The following ATP2A3 variants were observed in gnomAD, a reference collection of about 807,000 sequenced individuals.
ATP2A3 encodes the protein ATPase sarcoplasmic/endoplasmic reticulum Ca2+ transporting 3, also known as sarcoplasmic/endoplasmic reticulum calcium ATPase 3.
In ATP2A3, 61 loss-of-function variants were observed where a neutral mutation model predicts 106.8. The observed-to-expected ratio is 0.57, with a 90% CI of 0.46 to 0.71. The LOEUF (loss-of-function observed/expected upper bound fraction) is 0.71, where lower values mean the gene tolerates loss of function less well. ATP2A3 is among the 30% of genes least tolerant of loss of function. The pLI, the probability that ATP2A3 is intolerant of heterozygous loss-of-function variation, is 0.00. For missense variants in ATP2A3, 1,201 were observed against 1,423.5 expected (o/e 0.84, Z 2.52); for synonymous variants, 611 against 609.3 (o/e 1.00, Z -0.04).
At chr17:3,949,406 AC>A (rs761863529) in intron 7 of ATP2A3, among the ~76,000 whole-genome samples, 2 of 152,186 alleles carry the variant, frequency 1.3e-5, no homozygotes, top group African/African-American at 2.4e-5. Context: ...AGCCAGGTAG[AC>A]CGGGCATCAT....
At chr17:3,937,110 G>A (rs1247522187) in intron 15 of ATP2A3, 8 of 465,864 alleles carry the variant, frequency 1.7e-5, no homozygotes, top group African/African-American at 1.2e-4. Context: ...CTGCCTAAAG[G>A]TGGGGCTTTT....
intron 14 of ATP2A3, 30 bp downstream of exon 14, chr17:3,940,941 C>A: frequency 6.2e-7 from 1 of 1,612,914 alleles, no homozygotes; most frequent in South Asian, 1.1e-5. Context: ...ACTCATCACC[C>A]CCTCCTGGGG....
intron 5 of ATP2A3, 82 bp from the exon 6 acceptor site, chr17:3,950,855 G>A: frequency 7.4e-7 from 1 of 1,359,488 alleles, no homozygotes; most frequent in Non-Finnish European, 1.0e-6. Context: ...CAGAACCCAA[G>A]GCTGGGGCTG....
At position 3,950,504 on chromosome 17, in the gene ATP2A3, G is replaced by T; in HGVS notation, c.630+7C>A. ...GTCTGGGCAAAGGCCCCAGACATTT[G>T]ACTTACAGAAAACAGCATGTTCTTC... On this transcript the variant is annotated splice_region_variant and intron_variant, in intron 7 of 20. Coordinates refer to ENST00000397041, the MANE Select transcript of ATP2A3 (RefSeq NM_005173.4). 1 of 1,613,428 alleles carries T rather than the reference G, an allele frequency of 6.2e-7. No individual in the cohort carries two copies. Among genetic ancestry groups the T allele is most frequent in the South Asian group, 1.1e-5 (1 of 91,042 alleles).
Position 3,930,151 on chromosome 17 carries a change from C to A in ATP2A3, c.2744+150G>T, listed in dbSNP as rs1426695280. The A allele has an allele frequency of 1.6e-6, 2 of 1,240,368 alleles. No homozygotes were observed. Among genetic ancestry groups the A allele is most frequent in the African/African-American group, 3.1e-5 (2 of 63,516 alleles). 76.8% of individuals were successfully genotyped at this position (1,240,368 alleles called of 1,614,324 possible). On this transcript the variant is annotated intron_variant, in intron 18 of 20. Transcript: ENST00000397041. The surrounding 1 kb of genome is among the most constrained non-coding windows in gnomAD (Gnocchi z 5.4). ...TGACCCTCAGACACTGATACTGGAACCCCCAGCCCTCAGCCCCCACTCCTC... is the reference window on the plus strand; with the variant it reads ...TGACCCTCAGACACTGATACTGGAAACCCCAGCCCTCAGCCCCCACTCCTC...
At chr17:3,934,114 G>C (rs2053283814) in intron 17 of ATP2A3, among the ~76,000 whole-genome samples, 1 of 151,664 alleles carries the variant, frequency 6.6e-6, no homozygotes, top group Non-Finnish European at 1.5e-5. Flanking sequence ...AGTAGAGACA[G>C]GGTTTCACCA....
chr17:3,958,701 CATAT>C (rs147879049), intron 1 of ATP2A3, among the ~76,000 whole-genome samples: 1 of 125,034 alleles, frequency 8.0e-6, no homozygotes, highest in African/African-American at 3.5e-5. Flanking sequence ...CCTCCTCATT[CATAT>C]ATATATATAT....
chr17:3,943,630 T>A, intron 10 of ATP2A3, 108 bp from the exon 11 acceptor site: 1 of 1,555,626 alleles, frequency 6.4e-7, no homozygotes, highest in Non-Finnish European at 8.8e-7. Flanking sequence ...GAGTTCCGTG[T>A]AACCTCCTTT....
chr17:3,951,565 C>T lies in ATP2A3; in HGVS notation c.324+16G>A. On this transcript the variant is annotated intron_variant, in intron 4 of 20. Transcript: ENST00000397041. ...GAGACCGCCCCCCGCCCGGTCCCAC[C>T]CCCAGTGCCTCCCACCTGCCACACG... 2 of 1,561,868 alleles carry T rather than the reference C, an allele frequency of 1.3e-6. No homozygotes were observed. The highest frequency in any genetic ancestry group is 1.4e-5 in the African/African-American group (1 of 73,744).
intron 3 of ATP2A3, 31 bp from the exon 4 acceptor site, chr17:3,951,716 C>T (rs2054457113): frequency 3.8e-6 from 6 of 1,583,594 alleles, no homozygotes; most frequent in Non-Finnish European, 5.2e-6. Flanking sequence ...AGCTCAGGCC[C>T]TGCTGCGGGC....
rs771741280 is a variant in ATP2A3, at chr17:3,930,261, C to A, written c.2744+40G>T. On this transcript the variant is annotated intron_variant, in intron 18 of 20. Coordinates refer to ENST00000397041, the MANE Select transcript of ATP2A3 (RefSeq NM_005173.4). The surrounding 1 kb of genome is among the most constrained non-coding windows in gnomAD (Gnocchi z 5.4). ...ACTGGAACCCCCAGCCCTCAGCCCC[C>A]ACTCCTCGGCCCCAGCTCCAGGCCC... 7.1e-7 allele frequency: 1 copy of A among 1,413,688 alleles called. No homozygotes were observed. The highest frequency in any genetic ancestry group is 6.5e-5 in the East Asian group (1 of 15,440). 87.6% of individuals were successfully genotyped at this position (1,413,688 alleles called of 1,614,324 possible).
At chr17:3,961,850 G>A (rs1281478152) in intron 1 of ATP2A3, among the ~76,000 whole-genome samples, 2 of 152,186 alleles carry the variant, frequency 1.3e-5, no homozygotes, top group Non-Finnish European at 2.9e-5. Flanking sequence ...TGAAGAAACC[G>A]AGGCACAGAG....
chr17:3,960,834 C>T (rs182388529), intron 1 of ATP2A3, among the ~76,000 whole-genome samples: 5 of 152,306 alleles, frequency 3.3e-5, no homozygotes, highest in Admixed American at 3.3e-4. Flanking sequence ...CCCACTTAGA[C>T]CCCACAGTTC....
At chr17:3,941,746 C>G in intron 12 of ATP2A3, 92 bp from the exon 13 acceptor site, 3 of 1,344,816 alleles carry the variant, frequency 2.2e-6, no homozygotes, top group Non-Finnish European at 3.1e-6. Flanking sequence ...GACTAAGATA[C>G]GGGCAAAGGC....
intron 16 of ATP2A3, among the ~76,000 whole-genome samples, chr17:3,935,915 A>T (rs2144364746): frequency 6.6e-6 from 1 of 152,254 alleles, no homozygotes; most frequent in Non-Finnish European, 1.5e-5. Context: ...GTGAGCCACC[A>T]TGCCCAGCCC....
At chr17:3,951,428 G>A in intron 4 of ATP2A3, 39 bp from the exon 5 acceptor site, 1 of 1,612,798 alleles carries the variant, frequency 6.2e-7, no homozygotes, top group Non-Finnish European at 8.5e-7. Flanking sequence ...TGTCCCTGCT[G>A]CCCCCCGCAG....
chr17:3,937,366 G>A, intron 15 of ATP2A3, 50 bp downstream of exon 15: 1 of 1,580,588 alleles, frequency 6.3e-7, no homozygotes, highest in Admixed American at 1.7e-5. Context: ...CCCATCTCAG[G>A]GGCACAGAGC....
intron 9 of ATP2A3, 76 bp from the exon 10 acceptor site, chr17:3,944,882 A>C (rs2054007982): frequency 1.1e-6 from 1 of 875,914 alleles, no homozygotes. Flanking sequence ...CCCCGCCCCT[A>C]GGAGGGGGCT....
In ATP2A3 at chr17:3,947,517, C is replaced by T. The variant is rs774106429; in HGVS notation, c.969G>A (p.Thr323=). The T allele has an allele frequency of 3.3e-5, 53 of 1,613,404 alleles. No homozygotes were observed. Among genetic ancestry groups the T allele is most frequent in the Middle Eastern group, 1.6e-4 (1 of 6,062 alleles). ...AVITTCLALG[T]RRMARKNAIV... ...TGGCGTTCTTGCGTGCCATGCGCCGCGTGCCCAGTGCCAGGCATGTAGTGA... is the reference window on the plus strand; with the variant it reads ...TGGCGTTCTTGCGTGCCATGCGCCGTGTGCCCAGTGCCAGGCATGTAGTGA... The change falls in exon 8 of 21, where the codon ACG becomes ACA. Residue 323 remains threonine, a synonymous_variant. Coordinates refer to ENST00000397041, the MANE Select transcript of ATP2A3 (RefSeq NM_005173.4). This position sits in a 1 kb window ranked among gnomAD's most constrained non-coding sequence, Gnocchi z 7.7.
Sources: allele counts gnomAD v4.1 joint callset (sites outside exome capture counted in the v4.1 genomes callset), GRCh38; gene constraint gnomAD v4.1.1; non-coding constraint Gnocchi (gnomAD v3.1); transcripts MANE v1.5; gene names NCBI Gene and HGNC (gene_info 2026-07-23, HGNC 2026-07-21).